PSD3: variants seen among roughly 807,000 people sequenced by gnomAD.
The protein encoded by PSD3 is pleckstrin and Sec7 domain containing 3.
A neutral mutation model predicts 105.5 loss-of-function variants in PSD3; 49 were observed. That is an observed-to-expected ratio of 0.46 (90% confidence interval 0.37 to 0.59). PSD3 has a LOEUF of 0.59. PSD3 is among the 20% of genes least tolerant of loss of function. PSD3 has a pLI of 0.00. For missense variants in PSD3, 1,561 were observed against 1,263.8 expected (o/e 1.24, Z -3.57); for synonymous variants, 557 against 457.8 (o/e 1.22, Z -2.77).
chr8:18,856,223 A>G (rs1815996491), intron 4 of PSD3, among the ~76,000 whole-genome samples: 1 of 152,086 alleles, frequency 6.6e-6, no homozygotes, highest in South Asian at 2.1e-4. Context: ...GATGCAAGTA[A>G]CCCCCAACTC....
chr8:18,877,820 C>A (rs575396263), intron 2 of PSD3, among the ~76,000 whole-genome samples: 1 of 152,162 alleles, frequency 6.6e-6, no homozygotes, highest in Non-Finnish European at 1.5e-5. Flanking sequence ...GGATTACAGG[C>A]ATGTAGCACC....
chr8:18,555,468 A>G (rs918710356), intron 15 of PSD3, among the ~76,000 whole-genome samples: 3 of 152,234 alleles, frequency 2.0e-5, no homozygotes, highest in African/African-American at 7.2e-5. Context: ...TTAGTCGATA[A>G]TTAATTCTTT....
At chr8:18,731,480 C>T (rs944604867) in intron 9 of PSD3, among the ~76,000 whole-genome samples, 1 of 152,156 alleles carries the variant, frequency 6.6e-6, no homozygotes, top group Non-Finnish European at 1.5e-5. Context: ...ATTTACTGCC[C>T]TGTATCAAAC....
chr8:18,641,788 T>G (rs953836474), intron 10 of PSD3, among the ~76,000 whole-genome samples: 6 of 152,102 alleles, frequency 3.9e-5, no homozygotes, highest in African/African-American at 1.4e-4. Flanking sequence ...TGCAGGAAAA[T>G]AAAGCGAAGA....
intron 8 of PSD3, among the ~76,000 whole-genome samples, chr8:18,784,540 A>G (rs1808945586): frequency 6.6e-6 from 1 of 152,198 alleles, no homozygotes; most frequent in African/African-American, 2.4e-5. Context: ...TCGGGTGTCA[A>G]TTGGTAGCAG....
At chr8:18,566,377 T>C (rs1317478110) in intron 14 of PSD3, among the ~76,000 whole-genome samples, 3 of 151,554 alleles carry the variant, frequency 2.0e-5, no homozygotes, top group African/African-American at 7.3e-5. Flanking sequence ...ATACGAAAAA[T>C]TAGCTGGGTA....
chr8:18,787,917 C>T (rs909632137), intron 8 of PSD3, among the ~76,000 whole-genome samples: 1 of 152,176 alleles, frequency 6.6e-6, no homozygotes, highest in Non-Finnish European at 1.5e-5. Flanking sequence ...CCAAAACAGA[C>T]AAATTCTGTA....
intron 11 of PSD3, among the ~76,000 whole-genome samples, chr8:18,608,380 G>A (rs924716074): frequency 2.6e-5 from 4 of 152,168 alleles, no homozygotes; most frequent in African/African-American, 9.7e-5. Flanking sequence ...TGACCAGTAT[G>A]GGTGAAATTA....
intron 4 of PSD3, among the ~76,000 whole-genome samples, chr8:18,822,636 G>C (rs1312056851): frequency 6.6e-6 from 1 of 152,164 alleles, no homozygotes; most frequent in Non-Finnish European, 1.5e-5. Flanking sequence ...TAAGCTATCA[G>C]TGTGAACCAC....
At chr8:18,777,294 G>A (rs1473917679) in intron 8 of PSD3, among the ~76,000 whole-genome samples, 1 of 152,084 alleles carries the variant, frequency 6.6e-6, no homozygotes, top group African/African-American at 2.4e-5. Context: ...ACCCACCTCG[G>A]CCTCCCAAAG....
chr8:18,916,248 T>G (rs1385868243), intron 2 of PSD3, among the ~76,000 whole-genome samples: 2 of 144,736 alleles, frequency 1.4e-5, no homozygotes, highest in African/African-American at 5.1e-5. Flanking sequence ...AGCCAAGATA[T>G]GAAATTGACC....
At chr8:18,553,648 C>A (rs191830237) in intron 15 of PSD3, among the ~76,000 whole-genome samples, 1 of 152,206 alleles carries the variant, frequency 6.6e-6, no homozygotes, top group East Asian at 1.9e-4. Context: ...CAAGCACTCA[C>A]GAGAGAAAAA....
chr8:19,038,268 A>G (rs1003346051), intron 1 of PSD3, among the ~76,000 whole-genome samples: 15 of 152,032 alleles, frequency 9.9e-5, no homozygotes, highest in Non-Finnish European at 2.1e-4. Flanking sequence ...TCATCCCCAT[A>G]ATCTGTTTTA....
intron 9 of PSD3, among the ~76,000 whole-genome samples, chr8:18,757,798 A>G (rs973031843): frequency 2.0e-5 from 3 of 152,176 alleles, no homozygotes; most frequent in African/African-American, 7.2e-5. Context: ...ATTCTTCAAA[A>G]CAATTCCCAT....
rs368607455 is a variant in PSD3, at chr8:18,847,122, G to A, written c.1634+20552C>T. Among the ~76,000 whole-genome samples the A allele has an allele frequency of 1.0e-3, 154 of 152,230 alleles. 2 individuals carry two copies. The highest frequency in any genetic ancestry group is 3.5e-3 in the African/African-American group (145 of 41,532). On this transcript the variant is annotated intron_variant, in intron 4 of 15. Transcript: ENST00000327040. ...TGCTGGTTTCACTTCCGCTGCTGAG[G>A]CGCACACTTCTGCTTTCATGCGAGA...
intron 9 of PSD3, among the ~76,000 whole-genome samples, chr8:18,750,472 G>C (rs889915832): frequency 6.6e-6 from 1 of 152,110 alleles, no homozygotes; most frequent in South Asian, 2.1e-4. Context: ...GCAGATCTTC[G>C]CGGTGAGTGT....
At chr8:18,861,975 C>T (rs1339934380) in intron 4 of PSD3, among the ~76,000 whole-genome samples, 1 of 152,108 alleles carries the variant, frequency 6.6e-6, no homozygotes, top group African/African-American at 2.4e-5. Flanking sequence ...GTGCACTGTG[C>T]TTCATAGACA....
At chr8:18,658,106 T>C (rs1035792547) in intron 9 of PSD3, among the ~76,000 whole-genome samples, 2 of 152,224 alleles carry the variant, frequency 1.3e-5, no homozygotes, top group East Asian at 1.9e-4. Flanking sequence ...ACTTGCAGTA[T>C]TGCAGGTCAA....
chr8:18,752,815 T>C (rs543664689), intron 9 of PSD3, among the ~76,000 whole-genome samples: 7 of 148,838 alleles, frequency 4.7e-5, no homozygotes, highest in Admixed American at 6.9e-5. Flanking sequence ...CATTGCTGTT[T>C]TTGGGAGTGA....
Sources: gnomAD v4.1 joint callset for allele counts (sites outside exome capture counted in the v4.1 genomes callset) on GRCh38, gnomAD v4.1.1 for gene constraint, MANE v1.5 for transcripts, NCBI Gene and HGNC (gene_info 2026-07-23, HGNC 2026-07-21) for gene names.